The following SPAG16 variants were observed in gnomAD, a reference collection of about 807,000 sequenced individuals.
The protein encoded by SPAG16 is sperm associated antigen 16.
SPAG16 carries 86 observed loss-of-function variants against 80.4 expected under a neutral mutation model. That is an observed-to-expected ratio of 1.07 (90% CI 0.90 to 1.28). The LOEUF (loss-of-function observed/expected upper bound fraction) is 1.28, where lower values mean the gene tolerates loss of function less well. Ranked by LOEUF, SPAG16 falls within the 50% of genes most tolerant of loss-of-function variation. SPAG16 has a pLI of 0.00. For synonymous variants in SPAG16, 294 were observed against 265.9 expected, an observed-to-expected ratio of 1.11 and a Z score of -1.03; for missense variants, 870 against 765.3, an observed-to-expected ratio of 1.14 and a Z score of -1.61.
At chr2:214,321,905 A>G (rs1696123616) in intron 15 of SPAG16, among the ~76,000 whole-genome samples, 1 of 152,216 alleles carries the variant, frequency 6.6e-6, no homozygotes, top group Non-Finnish European at 1.5e-5. Context: ...AAAGCCTGCT[A>G]TACCCCCAAT....
intron 13 of SPAG16, among the ~76,000 whole-genome samples, chr2:214,015,550 A>G (rs1032479988): frequency 3.3e-5 from 5 of 151,786 alleles, no homozygotes; most frequent in African/African-American, 1.2e-4. Flanking sequence ...GTGAGCCGAA[A>G]TCATGCCATT....
chr2:213,701,547 A>G (rs921077957), intron 10 of SPAG16, among the ~76,000 whole-genome samples: 1 of 151,740 alleles, frequency 6.6e-6, no homozygotes, highest in Non-Finnish European at 1.5e-5. Context: ...GCTTGTGGGG[A>G]GGTGTGGAGG....
intron 5 of SPAG16, among the ~76,000 whole-genome samples, chr2:213,326,793 A>G (rs1251339127): frequency 1.3e-5 from 2 of 152,038 alleles, no homozygotes; most frequent in African/African-American, 4.8e-5. Context: ...ATAATCCAAT[A>G]AACTCATTAT....
chr2:213,496,854 A>G (rs1056406349), intron 10 of SPAG16, among the ~76,000 whole-genome samples: 1 of 151,434 alleles, frequency 6.6e-6, no homozygotes, highest in African/African-American at 2.4e-5. Context: ...AATTATAGAT[A>G]TGTATTTTTC....
chr2:213,875,269 T>C (rs766372533), intron 11 of SPAG16, among the ~76,000 whole-genome samples: 4 of 152,072 alleles, frequency 2.6e-5, no homozygotes, highest in Non-Finnish European at 4.4e-5. Flanking sequence ...TGGAGGGTTT[T>C]AAATAGAATG....
intron 10 of SPAG16, among the ~76,000 whole-genome samples, chr2:213,676,433 G>A (rs1479171566): frequency 2.0e-5 from 3 of 148,868 alleles, no homozygotes; most frequent in Non-Finnish European, 3.0e-5. Flanking sequence ...AATAGGAGCG[G>A]TGAGAGAGGG....
At chr2:213,944,409 G>T (rs1168290552) in intron 12 of SPAG16, among the ~76,000 whole-genome samples, 1 of 152,066 alleles carries the variant, frequency 6.6e-6, no homozygotes, top group African/African-American at 2.4e-5. Context: ...TCTTTCTTCT[G>T]ATTTCTCCAT....
chr2:213,409,326 A>G (rs1480162527), intron 9 of SPAG16, among the ~76,000 whole-genome samples: 1 of 152,212 alleles, frequency 6.6e-6, no homozygotes, highest in Non-Finnish European at 1.5e-5. Flanking sequence ...AGTAAAATAT[A>G]CTTTTGGTAA....
Position 214,007,611 on chromosome 2 carries a change from G to A in SPAG16, c.1401-6340G>A, listed in dbSNP as rs558221453. Among the ~76,000 whole-genome samples the A allele has an allele frequency of 3.0e-4, 45 of 152,110 alleles. No individual in the cohort carries two copies. The East Asian group carries it at 4.3e-3, about 14-fold the overall frequency. ...TTTATCTAAAAAATGTTTTATTCTC[G>A]TTATTGAAGGAATTCTGGGCTGAAT... On this transcript the variant is annotated intron_variant, in intron 12 of 15. Transcript: ENST00000331683.
intron 5 of SPAG16, among the ~76,000 whole-genome samples, chr2:213,337,954 G>A (rs2124933244): frequency 6.6e-6 from 1 of 152,226 alleles, no homozygotes; most frequent in African/African-American, 2.4e-5. Context: ...AGGAAAAAAT[G>A]TTAAGGGCAG....
At chr2:213,991,145 T>G (rs1024612635) in intron 12 of SPAG16, among the ~76,000 whole-genome samples, 1 of 152,008 alleles carries the variant, frequency 6.6e-6, no homozygotes, top group African/African-American at 2.4e-5. Flanking sequence ...TAATGCTATC[T>G]CTCCCCTAGC....
chr2:214,095,310 C>G (rs555206707), intron 13 of SPAG16, among the ~76,000 whole-genome samples: 2 of 152,008 alleles, frequency 1.3e-5, no homozygotes, highest in African/African-American at 4.8e-5. Context: ...CACAGAAACC[C>G]CCCCAGAAAC....
chr2:213,476,101 G>A (rs927302724), intron 9 of SPAG16, among the ~76,000 whole-genome samples: 1 of 152,156 alleles, frequency 6.6e-6, no homozygotes, highest in Non-Finnish European at 1.5e-5. Flanking sequence ...TTACACTCCC[G>A]ATAACTAAGC....
intron 10 of SPAG16, among the ~76,000 whole-genome samples, chr2:213,846,194 C>T (rs1379902182): frequency 6.6e-6 from 1 of 152,092 alleles, no homozygotes; most frequent in Non-Finnish European, 1.5e-5. Flanking sequence ...TCACATTTAT[C>T]TTTTAGGGAA....
intron 10 of SPAG16, among the ~76,000 whole-genome samples, chr2:213,515,970 G>A (rs561150016): frequency 4.6e-5 from 7 of 152,182 alleles, no homozygotes; most frequent in Non-Finnish European, 7.3e-5. Context: ...GGCAGAAAGA[G>A]AGCTATTGAA....
chr2:214,273,408 G>T (rs1692187721), intron 15 of SPAG16, among the ~76,000 whole-genome samples: 2 of 151,980 alleles, frequency 1.3e-5, no homozygotes, highest in South Asian at 4.1e-4. Flanking sequence ...TTTCTTCTAG[G>T]GTTTTTATGG....
intron 15 of SPAG16, among the ~76,000 whole-genome samples, chr2:214,375,508 T>C (rs898766135): frequency 6.6e-6 from 1 of 152,130 alleles, no homozygotes; most frequent in African/African-American, 2.4e-5. Flanking sequence ...GAGTGCACGC[T>C]AGACACCTGT....
chr2:214,160,735 A>G (rs528800354), intron 15 of SPAG16, among the ~76,000 whole-genome samples: 3 of 152,030 alleles, frequency 2.0e-5, no homozygotes, highest in Non-Finnish European at 4.4e-5. Flanking sequence ...TATGCATTCC[A>G]TTCAATTTCT....
chr2:213,983,179 A>G (rs2045847955), intron 12 of SPAG16, among the ~76,000 whole-genome samples: 1 of 151,972 alleles, frequency 6.6e-6, no homozygotes, highest in African/African-American at 2.4e-5. Flanking sequence ...AAAGAACTGC[A>G]GTACCCTGTT....
Sources: allele counts gnomAD v4.1 joint callset (sites outside exome capture counted in the v4.1 genomes callset), GRCh38; gene constraint gnomAD v4.1.1; transcripts MANE v1.5; gene names NCBI Gene and HGNC (gene_info 2026-07-23, HGNC 2026-07-21).